The following MCTP2 variants were observed in gnomAD, a reference collection of about 807,000 sequenced individuals.
The protein encoded by MCTP2 is multiple C2 and transmembrane domain containing 2.
In MCTP2, 132 loss-of-function variants were observed where a neutral mutation model predicts 111.6. The ratio of observed to expected loss-of-function variants is 1.18; its 90% CI spans 1.03 to 1.37. The LOEUF (loss-of-function observed/expected upper bound fraction) is 1.37. Among genes scored for constraint, MCTP2 ranks in the 40% most tolerant of loss-of-function variants. The pLI is 0.00. For synonymous variants in MCTP2, 395 were observed against 387.7 expected, an observed-to-expected ratio of 1.02 and a Z score of -0.22; for missense variants, 1,183 against 1,067.9, an observed-to-expected ratio of 1.11 and a Z score of -1.50.
chr15:94,292,607 T>C (rs6497195), intron 1 of MCTP2, among the ~76,000 whole-genome samples: 96,422 of 152,018 alleles, frequency 0.63, 30,787 homozygotes, highest in East Asian at 0.71. Context: ...ATGAAAGAAA[T>C]GAAGGAAGAC....
chr15:94,481,145 A>G lies in MCTP2; in HGVS notation c.*2111A>G, dbSNP rs1255114831. On this transcript the variant is annotated 3_prime_UTR_variant, in exon 23 of 23. Coordinates refer to ENST00000357742, the MANE Select transcript of MCTP2 (RefSeq NM_001385001.1). ...TTCACAGTGTGATAATTAAGTAGGG[A>G]TGTTGAAGTCTTGCCAAGTTTTCCT... 1 of 152,160 alleles carries G rather than the reference A, an allele frequency of 6.6e-6. No homozygotes were observed. Among genetic ancestry groups the G allele is most frequent in the African/African-American group, 2.4e-5 (1 of 41,442 alleles). The allele number at this position is 152,160 out of a possible 1,614,324, so 9.4% of individuals were successfully genotyped here.
intron 1 of MCTP2, among the ~76,000 whole-genome samples, chr15:94,288,458 C>A (rs1338599811): frequency 6.6e-6 from 1 of 152,202 alleles, no homozygotes; most frequent in African/African-American, 2.4e-5. Flanking sequence ...CAGGGCATAT[C>A]TAAATGAACC....
chr15:94,298,781 T>TCCCCC, intron 2 of MCTP2, 51 bp downstream of exon 2: 1 of 1,188,202 alleles, frequency 8.4e-7, no homozygotes, highest in Non-Finnish European at 1.2e-6. Context: ...TCTCTCTCTC[T>TCCCCC]TTCCCTCTCT....
At chr15:94,348,914 G>C (rs2078145639) in intron 8 of MCTP2, among the ~76,000 whole-genome samples, 1 of 151,998 alleles carries the variant, frequency 6.6e-6, no homozygotes, top group Non-Finnish European at 1.5e-5. Flanking sequence ...CAAAGGATTG[G>C]AGAACTGAAT....
Position 94,470,274 on chromosome 15 carries a change from TGAC to T in MCTP2, c.2361-58_2361-56del. The T allele has an allele frequency of 1.7e-6, 2 of 1,185,306 alleles. 1 individual carries two copies. The highest frequency in any genetic ancestry group is 2.5e-5 in the South Asian group (2 of 78,704). 73.4% of individuals were successfully genotyped at this position (1,185,306 alleles called of 1,614,324 possible). A position where few individuals can be genotyped will look rare whatever the true frequency, so the allele number is the denominator to read the frequency against. On this transcript the variant is annotated intron_variant, in intron 20 of 22. Coordinates refer to ENST00000357742, the MANE Select transcript of MCTP2 (RefSeq NM_001385001.1). ...TGAACATGAAATAAACATGACAAGT[TGAC>T]TCTGTGGCAGTTGTTGAACATCAGA...
At chr15:94,309,312 T>C (rs1189961495) in intron 2 of MCTP2, among the ~76,000 whole-genome samples, 1 of 152,198 alleles carries the variant, frequency 6.6e-6, no homozygotes, top group African/African-American at 2.4e-5. Context: ...ATATTCTAGA[T>C]AGACAAGATA....
At chr15:94,385,841 C>A (rs911150139) in intron 14 of MCTP2, among the ~76,000 whole-genome samples, 6 of 152,138 alleles carry the variant, frequency 3.9e-5, no homozygotes, top group Admixed American at 3.3e-4. Context: ...AGATGAATGA[C>A]TGATTTTCTA....
At chr15:94,309,127 T>C (rs1337091803) in intron 2 of MCTP2, among the ~76,000 whole-genome samples, 1 of 152,238 alleles carries the variant, frequency 6.6e-6, no homozygotes, top group Non-Finnish European at 1.5e-5. Flanking sequence ...GATTGTCTTC[T>C]GAATACACCT....
chr15:94,453,435 G>A (rs768557030), intron 19 of MCTP2, among the ~76,000 whole-genome samples: 31 of 152,190 alleles, frequency 2.0e-4, no homozygotes, highest in Admixed American at 1.2e-3. Flanking sequence ...GATGTCTACC[G>A]GCCCATTAAG....
intron 17 of MCTP2, chr15:94,402,248 G>C: frequency 1.0e-6 from 1 of 957,458 alleles, no homozygotes; most frequent in Non-Finnish European, 1.2e-6. Flanking sequence ...TGTTTCTCCA[G>C]TTGTTGTTAC....
At chr15:94,409,377 T>G (rs756178755) in intron 17 of MCTP2, among the ~76,000 whole-genome samples, 16 of 152,098 alleles carry the variant, frequency 1.1e-4, no homozygotes, top group Non-Finnish European at 1.6e-4. Flanking sequence ...GAGATAATAC[T>G]TAATAAACTC....
intron 19 of MCTP2, among the ~76,000 whole-genome samples, chr15:94,445,228 G>T (rs1019069351): frequency 6.6e-6 from 1 of 152,108 alleles, no homozygotes; most frequent in Non-Finnish European, 1.5e-5. Flanking sequence ...CCAAGTTGAG[G>T]GTGCTGGCAT....
intron 19 of MCTP2, among the ~76,000 whole-genome samples, chr15:94,454,363 A>G (rs2084664403): frequency 6.6e-6 from 1 of 152,228 alleles, no homozygotes; most frequent in Non-Finnish European, 1.5e-5. Context: ...AATTGCATCC[A>G]GACAAGCAAT....
At chr15:94,242,981 ATACACG>A (rs2071118882) in intron 1 of MCTP2, among the ~76,000 whole-genome samples, 1 of 85,532 alleles carries the variant, frequency 1.2e-5, no homozygotes, top group Non-Finnish European at 2.6e-5. Context: ...GTATCTACAC[ATACACG>A]TGTATATGTG....
intron 11 of MCTP2, 98 bp from the exon 12 acceptor site, chr15:94,369,989 A>T: frequency 1.5e-6 from 1 of 649,448 alleles, no homozygotes; most frequent in Non-Finnish European, 2.4e-6. Context: ...CATGAGAAAA[A>T]GGAAGATAAA....
chr15:94,251,485 A>T lies in MCTP2; in HGVS notation c.-66+19821A>T, dbSNP rs867873846. 1.3e-4 allele frequency among the ~76,000 whole-genome samples: 20 copies of T among 151,884 alleles called. 1 individual carries two copies. The highest frequency in any genetic ancestry group is 8.3e-4 in the South Asian group (4 of 4,800). On this transcript the variant is annotated intron_variant, in intron 1 of 22. Coordinates refer to ENST00000357742, the MANE Select transcript of MCTP2 (RefSeq NM_001385001.1). ...GCAATTCTCCTGCCTCGGCCTCCTGAGTAGCTAGGATTACAGGTGCCCGCC... is the reference window on the plus strand; with the variant it reads ...GCAATTCTCCTGCCTCGGCCTCCTGTGTAGCTAGGATTACAGGTGCCCGCC...
chr15:94,332,783 C>T (rs1016509463), intron 4 of MCTP2, among the ~76,000 whole-genome samples: 1 of 152,176 alleles, frequency 6.6e-6, no homozygotes, highest in Non-Finnish European at 1.5e-5. Context: ...AATAAGTAAG[C>T]TTTTCCTACA....
intron 2 of MCTP2, among the ~76,000 whole-genome samples, chr15:94,300,882 T>C (rs1001417842): frequency 2.0e-5 from 3 of 151,748 alleles, no homozygotes; most frequent in African/African-American, 7.3e-5. Flanking sequence ...CTGTTGGGGG[T>C]GATGAGTGTT....
chr15:94,468,618 A>C (rs934425971), intron 20 of MCTP2, among the ~76,000 whole-genome samples: 3 of 152,196 alleles, frequency 2.0e-5, no homozygotes, highest in Non-Finnish European at 1.5e-5. Flanking sequence ...TAATAGGCAA[A>C]GATTAAAAAC....
Sources: gnomAD v4.1 joint callset for allele counts (sites outside exome capture counted in the v4.1 genomes callset) on GRCh38, gnomAD v4.1.1 for gene constraint, MANE v1.5 for transcripts, NCBI Gene and HGNC (gene_info 2026-07-23, HGNC 2026-07-21) for gene names.